Variants in VAV2 observed in about 807,000 individuals in gnomAD.
VAV2 encodes vav guanine nucleotide exchange factor 2.
In VAV2, 67 loss-of-function variants were observed where a neutral mutation model predicts 132.5. That is an observed-to-expected ratio of 0.51 (90% CI 0.42 to 0.62). VAV2 has a LOEUF of 0.62. Among genes scored for constraint, VAV2 ranks in the 20% least tolerant of loss-of-function variants. The pLI, the probability that VAV2 is intolerant of heterozygous loss-of-function variation, is 0.00. For synonymous variants in VAV2, 492 were observed against 443.5 expected, an observed-to-expected ratio of 1.11 and a Z score of -1.37; for missense variants, 938 against 1,153.6, an observed-to-expected ratio of 0.81 and a Z score of 2.71.
chr9:133,814,774 G>A (rs1002869440), intron 4 of VAV2, among the ~76,000 whole-genome samples: 8 of 151,936 alleles, frequency 5.3e-5, no homozygotes, highest in Non-Finnish European at 1.0e-4. Flanking sequence ...ATCACAGGTC[G>A]ACCAGAACCG....
In VAV2 at chr9:133,813,664, A is replaced by AGGC. The variant is rs1411231707; in HGVS notation, c.450-1451_450-1449dup. Reference sequence around the variant, plus strand: ...CCTCCCGCAGGCAGGCGGGCAAAGGAGGCGGAGGAAGCTGTTGCTCCGGGT... The same window carrying AGGC: ...CCTCCCGCAGGCAGGCGGGCAAAGGAGGCGGCGGAGGAAGCTGTTGCTCCGGGT... On this transcript the variant is annotated intron_variant, in intron 4 of 29. Transcript: ENST00000371850. 3.9e-5 allele frequency among the ~76,000 whole-genome samples: 6 copies of AGGC among 152,230 alleles called. No homozygotes were observed. In the East Asian group the frequency reaches 1.2e-3, roughly 29 times the overall value.
chr9:133,889,471 C>T (rs1460139437), intron 2 of VAV2, among the ~76,000 whole-genome samples: 3 of 152,110 alleles, frequency 2.0e-5, no homozygotes, highest in South Asian at 2.1e-4. Context: ...CTCCCCAAGG[C>T]CACCCTGAGA....
chr9:133,981,222 T>C (rs1842682732), intron 1 of VAV2, among the ~76,000 whole-genome samples: 1 of 152,216 alleles, frequency 6.6e-6, no homozygotes. Flanking sequence ...GACTTAGGTG[T>C]TGTAGGACCA....
intron 3 of VAV2, among the ~76,000 whole-genome samples, chr9:133,851,478 C>T (rs954350420): frequency 1.3e-5 from 2 of 152,220 alleles, no homozygotes; most frequent in African/African-American, 4.8e-5. Flanking sequence ...CTCATCAGCA[C>T]CCGAGTGAAC....
At chr9:133,810,616 G>A (rs971254822) in intron 5 of VAV2, among the ~76,000 whole-genome samples, 1 of 152,174 alleles carries the variant, frequency 6.6e-6, no homozygotes, top group African/African-American at 2.4e-5. Flanking sequence ...CTCGAGACCA[G>A]CGGGACCAGC....
At position 133,834,349 on chromosome 9, in the gene VAV2, G is replaced by C. The variant is rs781473576; in HGVS notation, c.381-9C>G. On this transcript the variant is annotated splice_polypyrimidine_tract_variant and intron_variant, in intron 3 of 29. Coordinates refer to ENST00000371850, the MANE Select transcript of VAV2 (RefSeq NM_001134398.2). The surrounding 1 kb of genome is among the most constrained non-coding windows in gnomAD (Gnocchi z 5.9). ...CCTCTGAGGGAAAAGGCCTGCGGAA[G>C]AGAAGGCGAGAGGGAGGTGAGCAGG... 1 of 1,610,698 alleles carries C rather than the reference G, an allele frequency of 6.2e-7. No homozygotes were observed. The highest frequency in any genetic ancestry group is 8.5e-7 in the Non-Finnish European group (1 of 1,178,452).
rs192387860 is a variant in VAV2, at chr9:133,923,980, G to C, written c.321+15123C>G. Among the ~76,000 whole-genome samples, 125 of 150,068 alleles carry C rather than the reference G, an allele frequency of 8.3e-4. 3 individuals carry two copies. The East Asian group carries it at 0.01, about 12-fold the overall frequency. On this transcript the variant is annotated intron_variant, in intron 2 of 29. Transcript: ENST00000371850. ...CACAGGGCAGGGAACATCACATACT[G>C]CAGCCTGTCGGGGGGTGGGGGACTA...
intron 3 of VAV2, among the ~76,000 whole-genome samples, chr9:133,836,119 A>G (rs953393948): frequency 6.6e-6 from 1 of 152,150 alleles, no homozygotes; most frequent in Non-Finnish European, 1.5e-5. Flanking sequence ...CAAGGAATCC[A>G]TCTCCTCCCA....
rs898835800 is a variant in VAV2 at position 133,912,314 on chromosome 9, C to T, written c.321+26789G>A. Among the ~76,000 whole-genome samples, 1 of 152,208 alleles carries T rather than the reference C, an allele frequency of 6.6e-6. No homozygotes were observed. The highest frequency in any genetic ancestry group is 1.5e-5 in the Non-Finnish European group (1 of 68,040). On this transcript the variant is annotated intron_variant, in intron 2 of 29. Transcript: ENST00000371850. This position sits in a 1 kb window ranked among gnomAD's most constrained non-coding sequence, Gnocchi z 4.3. ...TGGTCCAAGAAGGCGGGAAGGCCTT[C>T]CAGGTCTGGGAACATGAGACCCGGG...
chr9:133,900,986 G>A (rs1015390012), intron 2 of VAV2, among the ~76,000 whole-genome samples: 1 of 151,440 alleles, frequency 6.6e-6, no homozygotes, highest in African/African-American at 2.4e-5. Context: ...TTTTAGTAGA[G>A]ACGGGGTTTC....
chr9:133,941,580 A>G (rs1223208326), intron 1 of VAV2, among the ~76,000 whole-genome samples: 1 of 144,464 alleles, frequency 6.9e-6, no homozygotes, highest in Non-Finnish European at 1.5e-5. Flanking sequence ...ACATGAAAGG[A>G]CAAATCCTGT....
intron 4 of VAV2, among the ~76,000 whole-genome samples, chr9:133,832,455 C>CCT (rs1181380094): frequency 6.6e-6 from 1 of 152,244 alleles, no homozygotes; most frequent in Non-Finnish European, 1.5e-5. Flanking sequence ...GAAGCCCTGC[C>CCT]CTCTCTGAGC....
At chr9:133,925,486 GGGATTACA>G (rs1564470536) in intron 2 of VAV2, among the ~76,000 whole-genome samples, 1 of 152,222 alleles carries the variant, frequency 6.6e-6, no homozygotes, top group Admixed American at 6.5e-5. Flanking sequence ...CCAAAGTGCT[GGGATTACA>G]GGCATGAGCC....
intron 1 of VAV2, among the ~76,000 whole-genome samples, chr9:133,985,120 AATAC>A (rs1299670312): frequency 6.6e-6 from 1 of 151,980 alleles, no homozygotes; most frequent in Non-Finnish European, 1.5e-5. Flanking sequence ...TACATAAATA[AATAC>A]ATACACACAC....
intron 27 of VAV2, 150 bp downstream of exon 27, chr9:133,770,228 T>C (rs926300681): frequency 1.6e-6 from 2 of 1,271,148 alleles, no homozygotes; most frequent in Non-Finnish European, 2.1e-6. Flanking sequence ...CATGACAGCA[T>C]CTGCGATGGC....
intron 2 of VAV2, among the ~76,000 whole-genome samples, chr9:133,900,155 C>T (rs1039958106): frequency 6.6e-6 from 1 of 152,086 alleles, no homozygotes; most frequent in African/African-American, 2.4e-5. Flanking sequence ...GCCACGATTA[C>T]ACCACTGCAC....
intron 3 of VAV2, among the ~76,000 whole-genome samples, chr9:133,841,690 G>T (rs1361045194): frequency 6.6e-6 from 1 of 152,224 alleles, no homozygotes; most frequent in Admixed American, 6.5e-5. Context: ...TGTGGGGAGA[G>T]CTAAGAGCAA....
At chr9:133,827,012 A>C (rs539188779) in intron 4 of VAV2, among the ~76,000 whole-genome samples, 28 of 152,134 alleles carry the variant, frequency 1.8e-4, no homozygotes, top group Non-Finnish European at 3.8e-4. Flanking sequence ...GGCCCCCCAC[A>C]GACTGCAGCG....
At position 133,928,170 on chromosome 9, in the gene VAV2, C is replaced by CGT. The variant is rs879317769; in HGVS notation, c.321+10931_321+10932dup. Among the ~76,000 whole-genome samples the CGT allele has an allele frequency of 1.5e-3, 54 of 36,834 alleles. No homozygotes were observed. The highest frequency in any genetic ancestry group is 0.048 in the Middle Eastern group (2 of 42). 24.2% of individuals were successfully genotyped at this position (36,834 alleles called of 152,430 possible). On this transcript the variant is annotated intron_variant, in intron 2 of 29. Coordinates refer to ENST00000371850, the MANE Select transcript of VAV2 (RefSeq NM_001134398.2). The surrounding 1 kb of genome is among the most constrained non-coding windows in gnomAD (Gnocchi z 5.4). ...CAGCATCCGATGGGCTTACCGACTC[C>CGT]GTGTGTGTGTGTGTGTGTGCGTGCA...
Sources: gnomAD v4.1 joint callset for allele counts (sites outside exome capture counted in the v4.1 genomes callset) on GRCh38, gnomAD v4.1.1 for gene constraint, Gnocchi (gnomAD v3.1) non-coding constraint, MANE v1.5 for transcripts, NCBI Gene and HGNC (gene_info 2026-07-23, HGNC 2026-07-21) for gene names.